AP1M1: variants seen among roughly 807,000 people sequenced by gnomAD.
AP1M1 encodes adaptor related protein complex 1 subunit mu 1.
Under a neutral mutation model 57.1 loss-of-function variants are expected in AP1M1, and 18 were observed. The ratio of observed to expected loss-of-function variants is 0.32; its 90% confidence interval spans 0.22 to 0.47. The LOEUF (loss-of-function observed/expected upper bound fraction) is 0.47, where lower values mean the gene tolerates loss of function less well. Among genes scored for constraint, AP1M1 ranks in the 20% least tolerant of loss-of-function variants. The pLI, the probability that AP1M1 is intolerant of heterozygous loss-of-function variation, is 1.00. For synonymous variants in AP1M1, 241 were observed against 237.9 expected (o/e 1.01, Z -0.12); for missense variants, 362 against 593.5 (o/e 0.61, Z 4.05).
At chr19:16,212,654 G>A (rs1161132616) in intron 5 of AP1M1, among the ~76,000 whole-genome samples, 2 of 152,108 alleles carry the variant, frequency 1.3e-5, no homozygotes, top group African/African-American at 4.8e-5. Flanking sequence ...GGAGTTGGAG[G>A]CTTTTGCTTC....
intron 1 of AP1M1, among the ~76,000 whole-genome samples, chr19:16,202,421 T>C (rs1056792727): frequency 1.3e-5 from 2 of 152,184 alleles, no homozygotes; most frequent in Admixed American, 1.3e-4. Context: ...CCTGCACTTA[T>C]CTAAAGTGTA....
intron 1 of AP1M1, 58 bp downstream of exon 1, chr19:16,198,126 C>T (rs546375135): frequency 3.2e-6 from 5 of 1,581,366 alleles, no homozygotes; most frequent in South Asian, 2.3e-5. Context: ...CCTCCGCCCG[C>T]GGGGACCCAC....
chr19:16,209,410 A>G (rs2091484069), intron 5 of AP1M1, among the ~76,000 whole-genome samples: 1 of 151,964 alleles, frequency 6.6e-6, no homozygotes, highest in Admixed American at 6.6e-5. Flanking sequence ...GGCTCACTGC[A>G]ACCTCCGCCT....
intron 5 of AP1M1, among the ~76,000 whole-genome samples, chr19:16,225,098 T>C (rs1453010830): frequency 6.6e-6 from 1 of 152,278 alleles, no homozygotes; most frequent in Non-Finnish European, 1.5e-5. Context: ...ACCGGAGCCC[T>C]TGGGGCCATG....
rs1271139468 is a variant in AP1M1 at position 16,203,161 on chromosome 19, T to C, written c.43-298T>C. 4.9e-6 allele frequency: 2 copies of C among 409,906 alleles called. No individual in the cohort carries two copies. The allele number at this position is 409,906 out of a possible 1,614,324, so 25.4% of individuals were successfully genotyped here. ...GCATTGAGAGCTTGTGAGGCATTGC[T>C]TAACCTGATGTCTCTGGGTGATTCA... On this transcript the variant is annotated intron_variant, in intron 1 of 11. Transcript: ENST00000291439. The surrounding 1 kb of genome is among the most constrained non-coding windows in gnomAD (Gnocchi z 4.6).
intron 5 of AP1M1, among the ~76,000 whole-genome samples, chr19:16,224,571 G>A (rs929692254): frequency 1.3e-5 from 2 of 152,356 alleles, no homozygotes; most frequent in South Asian, 2.1e-4. Flanking sequence ...CCGGCTCTGC[G>A]TGGCTGGTCA....
chr19:16,232,294 G>C (rs1054204763), intron 9 of AP1M1, among the ~76,000 whole-genome samples: 2 of 152,342 alleles, frequency 1.3e-5, no homozygotes, highest in South Asian at 2.1e-4. Flanking sequence ...GTGGGTTTTG[G>C]TGTGTGAGCC....
intron 5 of AP1M1, among the ~76,000 whole-genome samples, chr19:16,220,048 G>C (rs1568352409): frequency 6.6e-6 from 1 of 152,122 alleles, no homozygotes; most frequent in South Asian, 2.1e-4. Flanking sequence ...TCTGGTTTTG[G>C]TATCAAGGTA....
rs1568349139 is a variant in AP1M1, at chr19:16,209,170, A to G, written c.539A>G (p.Asn180Ser). Residue 180 changes from asparagine (N) to serine (S), a missense_variant, in exon 5 of 12, where the codon AAC becomes AGC. Physicochemically the swap from Asn to Ser is conservative, Grantham distance 46. Coordinates refer to ENST00000291439, the MANE Select transcript of AP1M1 (RefSeq NM_032493.4). ...EVFLDVIESV[N>S]LLVSANGNVL... ...TTCTTGGACGTCATCGAGTCTGTCA[A>G]CCTCTTGGTAGGCCTCTTTTCTTTC... 1.2e-6 allele frequency: 2 copies of G among 1,613,872 alleles called. No individual in the cohort carries two copies. The highest frequency in any genetic ancestry group is 1.7e-5 in the Admixed American group (1 of 59,982).
Position 16,198,005 on chromosome 19 carries a change from G to A in AP1M1, c.-22G>A. On this transcript the variant is annotated 5_prime_UTR_variant, in exon 1 of 12. Coordinates refer to ENST00000291439, the MANE Select transcript of AP1M1 (RefSeq NM_032493.4). ...GCCGCCGCCACCGCCCTCGGCCGCT[G>A]CCGAGGCCTCCTGCAGCCATCATGT... 3 of 1,572,758 alleles carry A rather than the reference G, an allele frequency of 1.9e-6. No homozygotes were observed. The highest frequency in any genetic ancestry group is 2.6e-6 in the Non-Finnish European group (3 of 1,164,310).
intron 10 of AP1M1, chr19:16,233,915 G>C: frequency 1.8e-6 from 1 of 548,508 alleles, no homozygotes; most frequent in South Asian, 2.6e-5. Context: ...AGAGGGAGGA[G>C]AGGCTCCCAG....
intron 2 of AP1M1, among the ~76,000 whole-genome samples, chr19:16,204,720 G>C (rs2091462426): frequency 6.6e-6 from 1 of 152,156 alleles, no homozygotes; most frequent in African/African-American, 2.4e-5. Flanking sequence ...TGGCCGGTGT[G>C]CACATTCCCA....
In AP1M1 at chr19:16,203,324, C is replaced by T; in HGVS notation, c.43-135C>T. 1.2e-6 allele frequency: 1 copy of T among 847,270 alleles called. No homozygotes were observed. Among genetic ancestry groups the T allele is most frequent in the Middle Eastern group, 3.1e-4 (1 of 3,206 alleles). The allele number at this position is 847,270 out of a possible 1,614,324, so 52.5% of individuals were successfully genotyped here. ...ATGGAGATCAGAACGGCCTCAAGTCCTGCTCTTTTGCGGATAGTGGCCATG... is the reference window on the plus strand; with the variant it reads ...ATGGAGATCAGAACGGCCTCAAGTCTTGCTCTTTTGCGGATAGTGGCCATG... On this transcript the variant is annotated intron_variant, in intron 1 of 11. Coordinates refer to ENST00000291439, the MANE Select transcript of AP1M1 (RefSeq NM_032493.4). The surrounding 1 kb of genome is among the most constrained non-coding windows in gnomAD (Gnocchi z 4.6).
intron 5 of AP1M1, among the ~76,000 whole-genome samples, chr19:16,218,551 CT>C (rs1427991251): frequency 6.6e-6 from 1 of 152,200 alleles, no homozygotes; most frequent in African/African-American, 2.4e-5. Flanking sequence ...TCCATCCAGC[CT>C]CTATGTCTTC....
intron 6 of AP1M1, 133 bp downstream of exon 6, chr19:16,226,680 T>A: frequency 1.8e-6 from 2 of 1,114,892 alleles, no homozygotes; most frequent in Non-Finnish European, 2.5e-6. Flanking sequence ...CACTTCACAC[T>A]GCTTGAGACA....
chr19:16,231,490 G>T (rs933856882), intron 9 of AP1M1, among the ~76,000 whole-genome samples: 3 of 151,868 alleles, frequency 2.0e-5, no homozygotes, highest in Non-Finnish European at 4.4e-5. Flanking sequence ...TACTGCAGAG[G>T]CATGATCTCG....
At position 16,228,065 on chromosome 19, in the gene AP1M1, T is replaced by C; in HGVS notation, c.817-72T>C. The C allele has an allele frequency of 7.3e-6, 11 of 1,496,658 alleles. No homozygotes were observed. The highest frequency in any genetic ancestry group is 9.2e-6 in the Non-Finnish European group (10 of 1,082,050). The allele number at this position is 1,496,658 out of a possible 1,614,324, so 92.7% of individuals were successfully genotyped here. On this transcript the variant is annotated intron_variant, in intron 7 of 11. Transcript: ENST00000291439. The surrounding 1 kb of genome is among the most constrained non-coding windows in gnomAD (Gnocchi z 5.0). The stretch of plus-strand genomic sequence containing the variant: ...GCAGATGGTCCCTTGCCCTGGGCCT[T>C]GGTTTCCCCTCTGAAATGGGCCTTT...
At chr19:16,226,612 T>G in intron 6 of AP1M1, 65 bp downstream of exon 6, 1 of 1,510,376 alleles carries the variant, frequency 6.6e-7, no homozygotes, top group South Asian at 1.2e-5. Flanking sequence ...CATTACAGCC[T>G]AGGGCAGGGT....
At position 16,197,960 on chromosome 19, in the gene AP1M1, C is replaced by T. The variant is rs1259130565; in HGVS notation, c.-67C>T. On this transcript the variant is annotated 5_prime_UTR_variant, in exon 1 of 12. Coordinates refer to ENST00000291439, the MANE Select transcript of AP1M1 (RefSeq NM_032493.4). ...GCGGCGCCCGGCCTTGCTCAACGCC[C>T]AGCAGTCCCCACCGTCGCTGCCGCC... 2 of 1,448,382 alleles carry T rather than the reference C, an allele frequency of 1.4e-6. No individual in the cohort carries two copies. The highest frequency in any genetic ancestry group is 1.9e-6 in the Non-Finnish European group (2 of 1,078,100). The allele number at this position is 1,448,382 out of a possible 1,614,324, so 89.7% of individuals were successfully genotyped here.
Sources: allele counts gnomAD v4.1 joint callset (sites outside exome capture counted in the v4.1 genomes callset), GRCh38; gene constraint gnomAD v4.1.1; non-coding constraint Gnocchi (gnomAD v3.1); transcripts MANE v1.5; gene names NCBI Gene and HGNC (gene_info 2026-07-23, HGNC 2026-07-21).